RARS1: variants seen among roughly 807,000 people sequenced by gnomAD.
The protein encoded by RARS1 is arginyl-tRNA synthetase 1, also known as arginine--tRNA ligase, cytoplasmic.
A neutral mutation model predicts 78.7 loss-of-function variants in RARS1; 75 were observed. The ratio of observed to expected loss-of-function variants is 0.95; its 90% CI spans 0.79 to 1.15. The LOEUF (loss-of-function observed/expected upper bound fraction) is 1.15, where lower values mean the gene tolerates loss of function less well. Ranked by LOEUF, RARS1 falls within the 50% of genes most tolerant of loss-of-function variation. The pLI, the probability that RARS1 is intolerant of heterozygous loss-of-function variation, is 0.00. For synonymous variants in RARS1, 273 were observed against 268.2 expected, an observed-to-expected ratio of 1.02 and a Z score of -0.18; for missense variants, 787 against 787.5, an observed-to-expected ratio of 1.00 and a Z score of 0.01.
At chr5:168,509,147 T>G (rs183865096) in intron 11 of RARS1, among the ~76,000 whole-genome samples, 233 of 152,324 alleles carry the variant, frequency 1.5e-3, no homozygotes, top group Non-Finnish European at 2.8e-3. Context: ...AAGGAAGGTT[T>G]CCTTTAGCAT....
intron 2 of RARS1, among the ~76,000 whole-genome samples, chr5:168,491,952 T>A (rs1372812746): frequency 1.4e-5 from 2 of 146,952 alleles, no homozygotes; most frequent in African/African-American, 5.0e-5. Context: ...TCACCTTTTT[T>A]TTTTTTTTTT....
chr5:168,500,773 C>T, intron 8 of RARS1, 53 bp downstream of exon 8: 1 of 1,557,942 alleles, frequency 6.4e-7, no homozygotes, highest in Non-Finnish European at 8.7e-7. Flanking sequence ...TATATCATTT[C>T]CTGGAGTCTT....
chr5:168,497,425 A>G lies in RARS1; in HGVS notation c.822+77A>G. 5 of 1,260,270 alleles carry G rather than the reference A, an allele frequency of 4.0e-6. No individual in the cohort carries two copies. In the South Asian group the frequency reaches 8.9e-5, roughly 23 times the overall value. The allele number at this position is 1,260,270 out of a possible 1,614,324, so 78.1% of individuals were successfully genotyped here. On this transcript the variant is annotated intron_variant, in intron 7 of 14. Coordinates refer to ENST00000231572, the MANE Select transcript of RARS1 (RefSeq NM_002887.4). ...TATCCATTTTCCTTAGGAAACTTAAAATGGTTTTTAAAGCTACTATGGAGT... is the reference window on the plus strand; with the variant it reads ...TATCCATTTTCCTTAGGAAACTTAAGATGGTTTTTAAAGCTACTATGGAGT...
rs557443967 is a variant in RARS1, at chr5:168,488,860, A to G, written c.180+124A>G. On this transcript the variant is annotated intron_variant, in intron 2 of 14. Coordinates refer to ENST00000231572, the MANE Select transcript of RARS1 (RefSeq NM_002887.4). ...TTTGGAAAAGAAGCATAGAAACCCTATTCTTTTCCCTGCATTAGACAACTT... is the reference window on the plus strand; with the variant it reads ...TTTGGAAAAGAAGCATAGAAACCCTGTTCTTTTCCCTGCATTAGACAACTT... 96 of 1,180,422 alleles carry G rather than the reference A, an allele frequency of 8.1e-5. No homozygotes were observed. The East Asian group carries it at 9.8e-4, about 12-fold the overall frequency. The allele number at this position is 1,180,422 out of a possible 1,614,324, so 73.1% of individuals were successfully genotyped here. A position where few individuals can be genotyped will look rare whatever the true frequency, so the allele number is the denominator to read the frequency against.
chr5:168,519,270 C>T lies in RARS1; in HGVS notation c.*80C>T, dbSNP rs1758740975. 9.4e-7 allele frequency: 1 copy of T among 1,063,418 alleles called. No homozygotes were observed. The highest frequency in any genetic ancestry group is 1.4e-6 in the Non-Finnish European group (1 of 719,600). The allele number at this position is 1,063,418 out of a possible 1,614,324, so 65.9% of individuals were successfully genotyped here. On this transcript the variant is annotated 3_prime_UTR_variant, in exon 15 of 15. Coordinates refer to ENST00000231572, the MANE Select transcript of RARS1 (RefSeq NM_002887.4). Reference sequence around the variant, plus strand: ...TTGCTTTTTTACAATCATGTGGACACAAGCATAAGTAAAGAAAATTTGTCA... The same window carrying T: ...TTGCTTTTTTACAATCATGTGGACATAAGCATAAGTAAAGAAAATTTGTCA...
intron 4 of RARS1, 34 bp from the exon 5 acceptor site, chr5:168,494,516 C>T: frequency 1.2e-6 from 2 of 1,602,776 alleles, no homozygotes; most frequent in Non-Finnish European, 1.7e-6. Flanking sequence ...CAAGATAAGA[C>T]AGTATCTGAT....
Position 168,510,531 on chromosome 5 carries a change from A to G in RARS1, c.1347-50A>G, listed in dbSNP as rs968389441. ...CAAACCTTCATTTTCAAAGATTTCT[A>G]AGTTGAAAAGTCTGTTTCAAAATCT... On this transcript the variant is annotated intron_variant, in intron 11 of 14. Coordinates refer to ENST00000231572, the MANE Select transcript of RARS1 (RefSeq NM_002887.4). 2.9e-6 allele frequency: 4 copies of G among 1,367,300 alleles called. No homozygotes were observed. In the African/African-American group the frequency reaches 4.4e-5, roughly 15 times the overall value. 84.7% of individuals were successfully genotyped at this position (1,367,300 alleles called of 1,614,324 possible). A position where few individuals can be genotyped will look rare whatever the true frequency, so the allele number is the denominator to read the frequency against.
At chr5:168,518,091 T>TTTTTTTTTTTTTTTTTTTTTTG (rs1163451524) in intron 14 of RARS1, 29 bp downstream of exon 14, 1 of 1,427,232 alleles carries the variant, frequency 7.0e-7, no homozygotes, top group Admixed American at 2.7e-5. Context: ...TTTTTTTTTT[T>TTTTTTTTTTTTTTTTTTTTTTG]TTTTAGTGAG....
At chr5:168,487,271 C>T (rs981843285) in intron 1 of RARS1, among the ~76,000 whole-genome samples, 15 of 151,858 alleles carry the variant, frequency 9.9e-5, no homozygotes, top group African/African-American at 3.4e-4. Flanking sequence ...GAGGCTGAGG[C>T]AGGAGAATGG....
chr5:168,486,813 T>A lies in RARS1; in HGVS notation c.45+270T>A, dbSNP rs545094407. ...CCAGCGTCTTCGGTGGGCTGGAGCC[T>A]GGCATGTTCAGAACAGTTCTCTCCC... is the stretch of plus-strand genomic sequence containing the variant. On this transcript the variant is annotated intron_variant, in intron 1 of 14. Transcript: ENST00000231572. Among the ~76,000 whole-genome samples, 3 of 152,190 alleles carry A rather than the reference T, an allele frequency of 2.0e-5. No individual in the cohort carries two copies. In the Middle Eastern group the frequency reaches 0.01, roughly 518 times the overall value.
intron 4 of RARS1, 22 bp from the exon 5 acceptor site, chr5:168,494,528 T>A: frequency 6.2e-7 from 1 of 1,605,636 alleles, no homozygotes. Flanking sequence ...GTATCTGATA[T>A]TTTTTCTCTT....
chr5:168,511,379 G>A (rs1338865752), intron 12 of RARS1, among the ~76,000 whole-genome samples: 1 of 151,824 alleles, frequency 6.6e-6, no homozygotes, highest in Non-Finnish European at 1.5e-5. Flanking sequence ...AGATGAAGGG[G>A]GAGCAGGCAC....
At chr5:168,508,478 G>A (rs936066906) in intron 11 of RARS1, among the ~76,000 whole-genome samples, 2 of 151,760 alleles carry the variant, frequency 1.3e-5, no homozygotes, top group Non-Finnish European at 2.9e-5. Context: ...AAATTAGTTG[G>A]GCGTGGTGGT....
chr5:168,489,055 C>T (rs1758026032), intron 2 of RARS1, among the ~76,000 whole-genome samples: 1 of 152,016 alleles, frequency 6.6e-6, no homozygotes, highest in Non-Finnish European at 1.5e-5. Context: ...GACAGGGTGT[C>T]TGTCACTCAG....
intron 2 of RARS1, among the ~76,000 whole-genome samples, chr5:168,491,185 C>T (rs949499499): frequency 2.6e-5 from 4 of 152,114 alleles, no homozygotes; most frequent in African/African-American, 7.2e-5. Flanking sequence ...TTTATTATAG[C>T]AGGTTTTGGG....
At chr5:168,515,419 T>C (rs1410042003) in intron 12 of RARS1, among the ~76,000 whole-genome samples, 1 of 152,188 alleles carries the variant, frequency 6.6e-6, no homozygotes, top group African/African-American at 2.4e-5. Flanking sequence ...CCCAAGTAGC[T>C]GCGTTACAGG....
At chr5:168,507,085 C>T (rs925031991) in intron 11 of RARS1, among the ~76,000 whole-genome samples, 2 of 152,154 alleles carry the variant, frequency 1.3e-5, no homozygotes, top group African/African-American at 4.8e-5. Flanking sequence ...TAAGGGGTTT[C>T]CTCTCCCACA....
intron 1 of RARS1, among the ~76,000 whole-genome samples, chr5:168,487,360 C>T (rs374078789): frequency 4.9e-4 from 74 of 151,534 alleles, no homozygotes; most frequent in Middle Eastern, 3.4e-3. Flanking sequence ...AGTGAGACTC[C>T]GTCCCCCTAC....
At chr5:168,489,400 A>G (rs186331316) in intron 2 of RARS1, among the ~76,000 whole-genome samples, 80 of 152,300 alleles carry the variant, frequency 5.3e-4, no homozygotes, top group Non-Finnish European at 9.7e-4. Context: ...CATTGCCTCT[A>G]TCATAAAGGA....
Sources: gnomAD v4.1 joint callset for allele counts (sites outside exome capture counted in the v4.1 genomes callset) on GRCh38, gnomAD v4.1.1 for gene constraint, MANE v1.5 for transcripts, NCBI Gene and HGNC (gene_info 2026-07-23, HGNC 2026-07-21) for gene names.